TNIK: variants seen among roughly 807,000 people sequenced by gnomAD.
TNIK encodes the protein TRAF2 and NCK interacting kinase, also known as TRAF2 and NCK-interacting protein kinase.
A neutral mutation model predicts 191.3 loss-of-function variants in TNIK; 49 were observed. The ratio of observed to expected loss-of-function variants is 0.26; its 90% CI spans 0.20 to 0.32. The LOEUF (loss-of-function observed/expected upper bound fraction) is 0.32, where lower values mean the gene tolerates loss of function less well. Among genes scored for constraint, TNIK ranks in the 10% least tolerant of loss-of-function variants. TNIK has a pLI of 1.00. For missense variants in TNIK, 1,155 were observed against 1,702.3 expected, an observed-to-expected ratio of 0.68 and a Z score of 5.66; for synonymous variants, 594 against 600.9, an observed-to-expected ratio of 0.99 and a Z score of 0.17.
At chr3:171,458,154 C>A (rs1194309845) in intron 1 of TNIK, among the ~76,000 whole-genome samples, 1 of 140,896 alleles carries the variant, frequency 7.1e-6, no homozygotes, top group East Asian at 2.5e-4. Context: ...CTTCCCGCCC[C>A]CCACCCCGAC....
At chr3:171,394,058 C>T (rs563830253) in intron 1 of TNIK, among the ~76,000 whole-genome samples, 209 of 152,306 alleles carry the variant, frequency 1.4e-3, no homozygotes, top group African/African-American at 5.0e-3. Flanking sequence ...CAAATGAGTA[C>T]AGCCATCTTT....
At chr3:171,076,123 T>TTC (rs1719895507) in intron 28 of TNIK, among the ~76,000 whole-genome samples, 2 of 152,190 alleles carry the variant, frequency 1.3e-5, no homozygotes, top group African/African-American at 4.8e-5. Flanking sequence ...CTTTTTTTTT[T>TTC]TCCTTTGTAA....
At chr3:171,339,236 C>G (rs1362402259) in intron 2 of TNIK, among the ~76,000 whole-genome samples, 1 of 152,206 alleles carries the variant, frequency 6.6e-6, no homozygotes, top group Non-Finnish European at 1.5e-5. Flanking sequence ...ACTGTTTGGA[C>G]TAATATGGCC....
At chr3:171,072,592 T>C (rs574107319) in intron 28 of TNIK, among the ~76,000 whole-genome samples, 1 of 151,902 alleles carries the variant, frequency 6.6e-6, no homozygotes, top group South Asian at 2.1e-4. Context: ...TCAGGCAAGA[T>C]AAAAAAATAA....
In TNIK at chr3:171,061,615, A is replaced by G. The variant is rs1227573417; in HGVS notation, c.*2266T>C. 1 of 152,238 alleles carries G rather than the reference A, an allele frequency of 6.6e-6. No individual in the cohort carries two copies. Among genetic ancestry groups the G allele is most frequent in the African/African-American group, 2.4e-5 (1 of 41,464 alleles). 9.4% of individuals were successfully genotyped at this position (152,238 alleles called of 1,614,324 possible). On this transcript the variant is annotated 3_prime_UTR_variant, in exon 33 of 33. Transcript: ENST00000436636. ...CACTTAGAAATAAAAACAAAACAAA[A>G]CATAAAAACAAAGATCAGTTTGCAA...
chr3:171,322,280 C>A (rs1045429739), intron 2 of TNIK, among the ~76,000 whole-genome samples: 11 of 151,820 alleles, frequency 7.2e-5, no homozygotes, highest in African/African-American at 2.7e-4. Flanking sequence ...CAATAAATAT[C>A]TTTTTTTTAG....
rs1291562218 is a variant in TNIK at position 171,359,485 on chromosome 3, G to A, written c.123+10135C>T. Among the ~76,000 whole-genome samples, 3 of 152,094 alleles carry A rather than the reference G, an allele frequency of 2.0e-5. No homozygotes were observed. In the East Asian group the frequency reaches 5.8e-4, roughly 29 times the overall value. On this transcript the variant is annotated intron_variant, in intron 2 of 32. Coordinates refer to ENST00000436636, the MANE Select transcript of TNIK (RefSeq NM_015028.4). ...CACTTGTCTGCCTTTGTTGTAGAGA[G>A]GAACAAAATGGACACAGTAGTTCTG...
intron 11 of TNIK, among the ~76,000 whole-genome samples, chr3:171,160,441 A>C (rs1037006039): frequency 4.0e-5 from 6 of 151,134 alleles, no homozygotes; most frequent in Admixed American, 1.3e-4. Flanking sequence ...ATTAGGGTCC[A>C]CTCCTTGGAT....
Position 171,062,280 on chromosome 3 carries a change from T to G in TNIK, c.*1601A>C, listed in dbSNP as rs1030870684. 6.6e-6 allele frequency: 1 copy of G among 152,180 alleles called. No individual in the cohort carries two copies. Among genetic ancestry groups the G allele is most frequent in the Non-Finnish European group, 1.5e-5 (1 of 68,040 alleles). 9.4% of individuals were successfully genotyped at this position (152,180 alleles called of 1,614,324 possible). On this transcript the variant is annotated 3_prime_UTR_variant, in exon 33 of 33. Coordinates refer to ENST00000436636, the MANE Select transcript of TNIK (RefSeq NM_015028.4). ...CAATTTTTTAAGAAGAAAAATTTGG[T>G]CAACTACTGTTTCGTTTTAAAAATG...
At chr3:171,410,324 CAT>C (rs1224353081) in intron 1 of TNIK, among the ~76,000 whole-genome samples, 2 of 152,236 alleles carry the variant, frequency 1.3e-5, no homozygotes, top group African/African-American at 4.8e-5. Context: ...TTTTCACTCA[CAT>C]GTCTGGCACC....
At chr3:171,247,356 A>T (rs1415829430) in intron 2 of TNIK, among the ~76,000 whole-genome samples, 1 of 152,266 alleles carries the variant, frequency 6.6e-6, no homozygotes, top group Non-Finnish European at 1.5e-5. Flanking sequence ...AAGTAGAATC[A>T]ACAGGACATG....
intron 3 of TNIK, among the ~76,000 whole-genome samples, chr3:171,212,637 T>C (rs185398108): frequency 1.1e-4 from 16 of 152,214 alleles, no homozygotes; most frequent in Admixed American, 7.8e-4. Context: ...TTGATTAAGG[T>C]CTCCTCTCCT....
chr3:171,432,011 T>C (rs200248590), intron 1 of TNIK, among the ~76,000 whole-genome samples: 61 of 152,370 alleles, frequency 4.0e-4, no homozygotes, highest in East Asian at 3.7e-3. Flanking sequence ...ATGCAAAACG[T>C]AATATATAAA....
intron 19 of TNIK, among the ~76,000 whole-genome samples, chr3:171,109,515 A>G (rs761718361): frequency 6.6e-6 from 1 of 152,214 alleles, no homozygotes; most frequent in Non-Finnish European, 1.5e-5. Context: ...AAATAGAGTG[A>G]TTTATTTAAA....
At chr3:171,212,565 G>A (rs896426699) in intron 3 of TNIK, among the ~76,000 whole-genome samples, 1 of 152,090 alleles carries the variant, frequency 6.6e-6, no homozygotes, top group African/African-American at 2.4e-5. Context: ...TTCTAGCCCC[G>A]TGAATCATCA....
At chr3:171,146,758 T>G (rs1211667654) in intron 12 of TNIK, among the ~76,000 whole-genome samples, 1 of 151,894 alleles carries the variant, frequency 6.6e-6, no homozygotes, top group Non-Finnish European at 1.5e-5. Flanking sequence ...GGTGTGATGG[T>G]GCGTGCCTCT....
At chr3:171,170,867 A>G (rs1735190510) in intron 9 of TNIK, among the ~76,000 whole-genome samples, 1 of 152,162 alleles carries the variant, frequency 6.6e-6, no homozygotes, top group Admixed American at 6.5e-5. Context: ...CCTGGGCAAT[A>G]TAGCAAGACG....
chr3:171,163,652 T>G (rs1734273380), intron 10 of TNIK, among the ~76,000 whole-genome samples: 1 of 152,202 alleles, frequency 6.6e-6, no homozygotes, highest in Admixed American at 6.5e-5. Flanking sequence ...TTCCAAACTT[T>G]TTCAAAATGA....
intron 1 of TNIK, among the ~76,000 whole-genome samples, chr3:171,452,568 T>A (rs370764320): frequency 1.3e-5 from 2 of 152,012 alleles, no homozygotes; most frequent in African/African-American, 4.8e-5. Flanking sequence ...TCCCAAACTC[T>A]CTCTACCCGC....
Sources: allele counts gnomAD v4.1 joint callset (sites outside exome capture counted in the v4.1 genomes callset), GRCh38; gene constraint gnomAD v4.1.1; transcripts MANE v1.5; gene names NCBI Gene and HGNC (gene_info 2026-07-23, HGNC 2026-07-21).